The following PDE5A variants were observed in gnomAD, a reference collection of about 807,000 sequenced individuals.
PDE5A encodes the protein phosphodiesterase 5A, also known as cGMP-specific 3',5'-cyclic phosphodiesterase.
A neutral mutation model predicts 110.2 loss-of-function variants in PDE5A; 67 were observed. The ratio of observed to expected loss-of-function variants is 0.61; its 90% CI spans 0.50 to 0.75. The LOEUF is 0.75. Ranked by LOEUF, PDE5A falls within the 30% of genes least tolerant of loss-of-function variation. The probability of loss-of-function intolerance (pLI) is 0.00; values close to 1 mark genes in which losing one functional copy is unlikely to be tolerated. For synonymous variants in PDE5A, 328 were observed against 351.2 expected (o/e 0.93, Z 0.74); for missense variants, 862 against 1,045.1 (o/e 0.82, Z 2.42).
chr4:119,507,644 T>G lies in PDE5A; in HGVS notation c.2149A>C (p.Lys717Gln). The change falls in exon 16 of 21, where the codon AAG (lysine) becomes CAG (glutamine). Residue 717 changes from lysine to glutamine, a missense_variant. Lys to Gln is a moderately conservative substitution (Grantham distance 53, BLOSUM62 1). Transcript: ENST00000354960. ...AGGTCTGTAGCTAAAATAGCTTGCTTGATTATTTTCAACGTGGTCTTATAT... is the reference window on the plus strand; with the variant it reads ...AGGTCTGTAGCTAAAATAGCTTGCTGGATTATTTTCAACGTGGTCTTATAT... ...EEYKTTLKII[K>Q]QAILATDLAL... The G allele has an allele frequency of 6.3e-7, 1 of 1,584,092 alleles. No individual in the cohort carries two copies. Among genetic ancestry groups the G allele is most frequent in the Non-Finnish European group, 8.5e-7 (1 of 1,170,032 alleles).
At chr4:119,596,462 AAT>A (rs1024717423) in intron 3 of PDE5A, 59 bp downstream of exon 3, 2 of 885,636 alleles carry the variant, frequency 2.3e-6, no homozygotes, top group African/African-American at 3.4e-5. Context: ...GTAAATACAA[AAT>A]ATTTTTCAAA....
intron 20 of PDE5A, chr4:119,499,531 T>A (rs928099646): frequency 1.3e-5 from 2 of 152,074 alleles, no homozygotes; most frequent in African/African-American, 4.8e-5. Context: ...TCTCAGTAAT[T>A]CTGATTTTTC....
chr4:119,589,429 GAGC>G (rs1359458791), intron 3 of PDE5A, among the ~76,000 whole-genome samples: 30 of 151,980 alleles, frequency 2.0e-4, no homozygotes, highest in African/African-American at 6.8e-4. Flanking sequence ...CAGGTCATCT[GAGC>G]TAGGGGGAAA....
At chr4:119,591,292 G>C (rs761402011) in intron 3 of PDE5A, among the ~76,000 whole-genome samples, 1 of 152,124 alleles carries the variant, frequency 6.6e-6, no homozygotes, top group Admixed American at 6.5e-5. Flanking sequence ...AGTGTGCCAG[G>C]AACTACGTTA....
At chr4:119,519,448 AC>A (rs1726039210) in intron 13 of PDE5A, 1 of 263,512 alleles carries the variant, frequency 3.8e-6, no homozygotes, top group Admixed American at 5.4e-5. Context: ...ATCATAATAA[AC>A]TTTAAATAAT....
chr4:119,507,480 G>A (rs953571218), intron 16 of PDE5A, 124 bp downstream of exon 16: 43 of 635,212 alleles, frequency 6.8e-5, no homozygotes, highest in Admixed American at 5.0e-4. Context: ...AAACTGCTCC[G>A]TATTCTGATA....
intron 3 of PDE5A, among the ~76,000 whole-genome samples, chr4:119,582,269 A>T (rs1473214123): frequency 6.6e-6 from 1 of 152,240 alleles, no homozygotes; most frequent in Non-Finnish European, 1.5e-5. Flanking sequence ...GATAGAGTCC[A>T]TCTCAAGAAA....
chr4:119,521,367 G>T (rs1330616968), intron 12 of PDE5A, among the ~76,000 whole-genome samples: 1 of 151,200 alleles, frequency 6.6e-6, no homozygotes, highest in Non-Finnish European at 1.5e-5. Context: ...AGGGCACTGG[G>T]TAGGTTTTTT....
intron 7 of PDE5A, among the ~76,000 whole-genome samples, chr4:119,559,315 A>G (rs551838191): frequency 3.3e-5 from 5 of 152,256 alleles, no homozygotes; most frequent in African/African-American, 9.6e-5. Flanking sequence ...AATTTATAAG[A>G]AAAAAATCAA....
intron 12 of PDE5A, among the ~76,000 whole-genome samples, chr4:119,521,755 G>A (rs138366195): frequency 1.1e-3 from 171 of 151,978 alleles, no homozygotes; most frequent in Middle Eastern, 6.8e-3. Flanking sequence ...AAAGATGGCC[G>A]GGGGCAGGAT....
chr4:119,588,170 CTT>C (rs11297755), intron 3 of PDE5A, among the ~76,000 whole-genome samples: 38 of 129,068 alleles, frequency 2.9e-4, no homozygotes, highest in Admixed American at 6.3e-4. Context: ...CCAATTTTTT[CTT>C]TTTTTTTTTT....
chr4:119,526,651 G>A (rs1214392835), intron 11 of PDE5A, among the ~76,000 whole-genome samples: 3 of 152,142 alleles, frequency 2.0e-5, no homozygotes, highest in African/African-American at 7.2e-5. Context: ...ATCTGAGATA[G>A]CACTACTTTG....
Position 119,524,826 on chromosome 4 carries a change from ATATAT to A in PDE5A, c.1779+718_1779+722del, listed in dbSNP as rs376936824. ...CTGCTGCTTCTTATTCTTTGATGCT[ATATAT>A]TATAATACATAGCCATTATGAAACA... On this transcript the variant is annotated intron_variant, in intron 12 of 20. Transcript: ENST00000354960. Among the ~76,000 whole-genome samples, 390 of 152,238 alleles carry A rather than the reference ATATAT, an allele frequency of 2.6e-3. 1 individual carries two copies. Among genetic ancestry groups the A allele is most frequent in the African/African-American group, 6.1e-3 (255 of 41,564 alleles).
At chr4:119,538,609 G>A (rs1726811522) in intron 11 of PDE5A, among the ~76,000 whole-genome samples, 2 of 152,210 alleles carry the variant, frequency 1.3e-5, no homozygotes, top group Admixed American at 6.6e-5. Context: ...ATAATACAGA[G>A]TAGGTATCAG....
At position 119,525,835 on chromosome 4, in the gene PDE5A, T is replaced by G; in HGVS notation, c.1633-140A>C. On this transcript the variant is annotated intron_variant, in intron 11 of 20. Coordinates refer to ENST00000354960, the MANE Select transcript of PDE5A (RefSeq NM_001083.4). The surrounding 1 kb of genome is among the most constrained non-coding windows in gnomAD (Gnocchi z 4.3). ...TAATGAAAGACACTAGAAACCTTTT[T>G]GTACAGTGGCAACTCCACTCTCTGC... 1.4e-6 allele frequency: 1 copy of G among 727,024 alleles called. No individual in the cohort carries two copies. 45.0% of individuals were successfully genotyped at this position (727,024 alleles called of 1,614,324 possible).
chr4:119,517,918 T>C (rs1183925026), intron 14 of PDE5A, among the ~76,000 whole-genome samples: 2 of 152,112 alleles, frequency 1.3e-5, no homozygotes, highest in Admixed American at 6.6e-5. Flanking sequence ...AGGCTCAGGA[T>C]TGCAATCACA....
chr4:119,609,364 G>C (rs1013400432), intron 1 of PDE5A, among the ~76,000 whole-genome samples: 4 of 152,098 alleles, frequency 2.6e-5, no homozygotes, highest in African/African-American at 9.7e-5. Flanking sequence ...ACTTATACAA[G>C]AGAACACTAG....
intron 10 of PDE5A, 81 bp from the exon 11 acceptor site, chr4:119,539,100 C>T (rs1282982532): frequency 1.2e-5 from 13 of 1,046,542 alleles, no homozygotes; most frequent in Admixed American, 1.7e-5. Flanking sequence ...TGGAATTCTG[C>T]TAAGTCTTCT....
intron 2 of PDE5A, among the ~76,000 whole-genome samples, chr4:119,598,402 A>C (rs1729227975): frequency 6.6e-6 from 1 of 152,206 alleles, no homozygotes; most frequent in Admixed American, 6.5e-5. Context: ...CTCCTTTAAC[A>C]ATGTACTCAG....
Sources: gnomAD v4.1 joint callset for allele counts (sites outside exome capture counted in the v4.1 genomes callset) on GRCh38, gnomAD v4.1.1 for gene constraint, Gnocchi (gnomAD v3.1) non-coding constraint, MANE v1.5 for transcripts, NCBI Gene and HGNC (gene_info 2026-07-23, HGNC 2026-07-21) for gene names.